The following PDCD10 variants were observed in gnomAD, a reference collection of about 807,000 sequenced individuals.
The protein encoded by PDCD10 is programmed cell death 10.
A neutral mutation model predicts 29.2 loss-of-function variants in PDCD10; 4 were observed. That is an observed-to-expected ratio of 0.14 (90% CI 0.07 to 0.31). The LOEUF is 0.31. PDCD10 is among the 10% of genes least tolerant of loss of function. PDCD10 has a pLI of 1.00. For missense variants in PDCD10, 183 were observed against 257.9 expected, an observed-to-expected ratio of 0.71 and a Z score of 1.99; for synonymous variants, 70 against 82.2, an observed-to-expected ratio of 0.85 and a Z score of 0.80.
At chr3:167,699,262 A>G (rs1160582363) in intron 4 of PDCD10, among the ~76,000 whole-genome samples, 1 of 152,188 alleles carries the variant, frequency 6.6e-6, no homozygotes, top group African/African-American at 2.4e-5. Context: ...TCAATGATCT[A>G]ACACCAATGA....
chr3:167,719,975 G>A, intron 3 of PDCD10, 87 bp downstream of exon 3: 1 of 939,612 alleles, frequency 1.1e-6, no homozygotes, highest in Non-Finnish European at 1.8e-6. Flanking sequence ...GCTAGTATTT[G>A]TTATACAAAA....
intron 3 of PDCD10, among the ~76,000 whole-genome samples, chr3:167,706,799 T>A (rs965860003): frequency 6.6e-6 from 1 of 152,250 alleles, no homozygotes; most frequent in Non-Finnish European, 1.5e-5. Flanking sequence ...ATCCATTGTT[T>A]GAACTGAATT....
intron 2 of PDCD10, among the ~76,000 whole-genome samples, chr3:167,727,926 T>A (rs1166577978): frequency 6.6e-6 from 1 of 152,220 alleles, no homozygotes; most frequent in Non-Finnish European, 1.5e-5. Flanking sequence ...CTCTGCCTTA[T>A]TTAACATTAG....
At chr3:167,689,311 A>T (rs1719967502) in intron 6 of PDCD10, among the ~76,000 whole-genome samples, 1 of 152,218 alleles carries the variant, frequency 6.6e-6, no homozygotes, top group Admixed American at 6.5e-5. Context: ...AACAAATAAA[A>T]CATGTCAAAT....
At chr3:167,701,262 T>C (rs901533083) in intron 4 of PDCD10, among the ~76,000 whole-genome samples, 2 of 152,152 alleles carry the variant, frequency 1.3e-5, no homozygotes, top group Non-Finnish European at 2.9e-5. Context: ...TACCTATATA[T>C]CTCTATATAG....
intron 6 of PDCD10, among the ~76,000 whole-genome samples, chr3:167,690,945 A>C (rs1720159782): frequency 6.6e-6 from 1 of 152,236 alleles, no homozygotes; most frequent in South Asian, 2.1e-4. Context: ...CTGAATATTT[A>C]TTAGCTGTCA....
chr3:167,696,704 A>G (rs1720847351), intron 5 of PDCD10, among the ~76,000 whole-genome samples: 1 of 152,220 alleles, frequency 6.6e-6, no homozygotes, highest in African/African-American at 2.4e-5. Context: ...CACATTCCAA[A>G]TAAGCTTATC....
chr3:167,724,647 A>G (rs1723905252), intron 2 of PDCD10, among the ~76,000 whole-genome samples: 1 of 152,232 alleles, frequency 6.6e-6, no homozygotes, highest in Non-Finnish European at 1.5e-5. Context: ...TCTTGCTAAT[A>G]TACTTTTCAA....
rs1398097709 is a variant in PDCD10, at chr3:167,687,683, T to C, written c.406A>G (p.Ser136Gly). ...RFLQTIKDIASAIKELLDTVN... is the reference protein window; with the variant it reads ...RFLQTIKDIAGAIKELLDTVN... Reference sequence around the variant, plus strand: ...GTATCAAGAAGTTCTTTTATTGCACTAGCTATATCCCTGTTGGGAAAAGAA... The same window carrying C: ...GTATCAAGAAGTTCTTTTATTGCACCAGCTATATCCCTGTTGGGAAAAGAA... Residue 136 changes from serine (S) to glycine (G), a missense_variant, in exon 7 of 9, where the codon AGT becomes GGT. Coordinates refer to ENST00000392750, the MANE Select transcript of PDCD10 (RefSeq NM_007217.4). The C allele has an allele frequency of 2.6e-6, 4 of 1,542,662 alleles. No individual in the cohort carries two copies. Among genetic ancestry groups the C allele is most frequent in the Non-Finnish European group, 3.6e-6 (4 of 1,115,204 alleles).
intron 2 of PDCD10, chr3:167,725,473 G>C (rs904329234): frequency 4.6e-5 from 7 of 151,804 alleles, no homozygotes; most frequent in Non-Finnish European, 1.0e-4. Flanking sequence ...AGAGGAGAAA[G>C]CTAGGAAAAA....
At chr3:167,699,005 A>G (rs1304745000) in intron 4 of PDCD10, among the ~76,000 whole-genome samples, 1 of 152,190 alleles carries the variant, frequency 6.6e-6, no homozygotes, top group African/African-American at 2.4e-5. Flanking sequence ...AAACAACTTA[A>G]TAAGTATAGT....
intron 3 of PDCD10, among the ~76,000 whole-genome samples, chr3:167,716,593 A>T (rs1168969098): frequency 6.6e-6 from 1 of 151,818 alleles, no homozygotes; most frequent in African/African-American, 2.4e-5. Context: ...ATAAGATTTT[A>T]TCTTCTTAAA....
intron 4 of PDCD10, among the ~76,000 whole-genome samples, chr3:167,699,199 T>A (rs1009142588): frequency 6.6e-6 from 1 of 152,194 alleles, no homozygotes; most frequent in African/African-American, 2.4e-5. Context: ...TGCAGATATA[T>A]TTTTTTCTGG....
At chr3:167,687,532 C>A in intron 7 of PDCD10, 83 bp downstream of exon 7, 1 of 853,318 alleles carries the variant, frequency 1.2e-6, no homozygotes, top group South Asian at 1.4e-5. Flanking sequence ...TTCCAACAAT[C>A]AATCTTATTT....
rs5854245 is a variant in PDCD10, at chr3:167,683,840, CATAT to C, written c.*464_*467del. On this transcript the variant is annotated 3_prime_UTR_variant, in exon 9 of 9. Transcript: ENST00000392750. ...CACCAAGTTGTCTTGGTCTTCTGTT[CATAT>C]ATATATATATATATATATATATACA... The C allele has an allele frequency of 8.5e-4, 115 of 135,536 alleles. No individual in the cohort carries two copies. The highest frequency in any genetic ancestry group is 9.3e-4 in the Non-Finnish European group (58 of 62,450). The allele number at this position is 135,536 out of a possible 1,614,324, so 8.4% of individuals were successfully genotyped here. A position where few individuals can be genotyped will look rare whatever the true frequency, so the allele number is the denominator to read the frequency against.
chr3:167,700,213 T>A (rs1352496587), intron 4 of PDCD10, among the ~76,000 whole-genome samples: 3 of 152,170 alleles, frequency 2.0e-5, no homozygotes, highest in Non-Finnish European at 1.5e-5. Context: ...AAGTATATGA[T>A]TAAAACGCCA....
At chr3:167,721,615 A>G (rs915583926) in intron 2 of PDCD10, among the ~76,000 whole-genome samples, 10 of 152,194 alleles carry the variant, frequency 6.6e-5, no homozygotes, top group Non-Finnish European at 1.0e-4. Context: ...TCCATTGGAA[A>G]GCTGCTTAGT....
At chr3:167,723,990 A>G (rs1723841120) in intron 2 of PDCD10, among the ~76,000 whole-genome samples, 1 of 152,162 alleles carries the variant, frequency 6.6e-6, no homozygotes, top group African/African-American at 2.4e-5. Flanking sequence ...AAGAAGCCCA[A>G]AAACAGGTAT....
chr3:167,719,644 T>A (rs1723372436), intron 3 of PDCD10, among the ~76,000 whole-genome samples: 2 of 152,106 alleles, frequency 1.3e-5, no homozygotes, highest in Non-Finnish European at 2.9e-5. Flanking sequence ...TAGAATGGAC[T>A]TATCTCCAAC....
Sources: gnomAD v4.1 joint callset for allele counts (sites outside exome capture counted in the v4.1 genomes callset) on GRCh38, gnomAD v4.1.1 for gene constraint, MANE v1.5 for transcripts, NCBI Gene and HGNC (gene_info 2026-07-23, HGNC 2026-07-21) for gene names.